PCDH15: variants seen among roughly 807,000 people sequenced by gnomAD.
PCDH15 encodes the protein protocadherin-15.
A neutral mutation model predicts 178.5 loss-of-function variants in PCDH15; 129 were observed. That is an observed-to-expected ratio of 0.72 (90% CI 0.63 to 0.84). PCDH15 has a LOEUF of 0.84. PCDH15 is among the 40% of genes least tolerant of loss of function. PCDH15 has a pLI of 0.00. For synonymous variants in PCDH15, 800 were observed against 732.0 expected, an observed-to-expected ratio of 1.09 and a Z score of -1.50; for missense variants, 2,230 against 2,099.9, an observed-to-expected ratio of 1.06 and a Z score of -1.21.
intron 6 of PCDH15, among the ~76,000 whole-genome samples, chr10:54,346,063 C>A (rs905168713): frequency 2.0e-5 from 3 of 151,948 alleles, no homozygotes; most frequent in African/African-American, 4.8e-5. Flanking sequence ...CACTTGTTAT[C>A]TCATCTCCAG....
At chr10:55,112,529 C>A (rs143333016) in intron 2 of PCDH15, among the ~76,000 whole-genome samples, 3 of 152,130 alleles carry the variant, frequency 2.0e-5, no homozygotes, top group Non-Finnish European at 4.4e-5. Flanking sequence ...GAGCAAGAAG[C>A]AAGATAAGAG....
intron 2 of PCDH15, among the ~76,000 whole-genome samples, chr10:55,526,575 C>A (rs1463689456): frequency 6.6e-6 from 1 of 152,018 alleles, no homozygotes; most frequent in African/African-American, 2.4e-5. Context: ...CACTGTTATA[C>A]ATGAGTGCTT....
At chr10:54,377,704 G>A (rs923859932) in intron 4 of PCDH15, among the ~76,000 whole-genome samples, 9 of 152,046 alleles carry the variant, frequency 5.9e-5, no homozygotes, top group South Asian at 2.1e-4. Context: ...GATTTCATAA[G>A]CTGGGAACTT....
chr10:53,812,330 C>A (rs1022413351), intron 35 of PCDH15, among the ~76,000 whole-genome samples: 13 of 152,132 alleles, frequency 8.5e-5, no homozygotes, highest in South Asian at 8.3e-4. Context: ...GCCTCAGCCT[C>A]CCGAGTAGCT....
At chr10:54,852,987 G>A (rs940610058) in intron 3 of PCDH15, among the ~76,000 whole-genome samples, 2 of 151,602 alleles carry the variant, frequency 1.3e-5, no homozygotes, top group African/African-American at 4.8e-5. Flanking sequence ...CAGGCCTGGT[G>A]CAATGGCTCA....
At position 54,757,523 on chromosome 10, in the gene PCDH15, C is replaced by T. The variant is rs1350768474; in HGVS notation, c.-29+43402G>A. 1.5e-5 allele frequency among the ~76,000 whole-genome samples: 2 copies of T among 131,054 alleles called. 1 individual carries two copies. Among genetic ancestry groups the T allele is most frequent in the African/African-American group, 5.8e-5 (2 of 34,618 alleles). 86.0% of individuals were successfully genotyped at this position (131,054 alleles called of 152,430 possible). A position where few individuals can be genotyped will look rare whatever the true frequency, so the allele number is the denominator to read the frequency against. On this transcript the variant is annotated intron_variant, in intron 1 of 37. Transcript: ENST00000644397. ...GTCTCGATCTCCTGACCTCGTGATC[C>T]GCCCGTCTCGGCCTCCCAAAGTGCT...
At chr10:54,030,592 G>C (rs2093264744) in intron 18 of PCDH15, among the ~76,000 whole-genome samples, 1 of 151,810 alleles carries the variant, frequency 6.6e-6, no homozygotes. Flanking sequence ...AGAATGAATA[G>C]CTTTTCATTC....
intron 7 of PCDH15, among the ~76,000 whole-genome samples, chr10:54,319,921 G>A (rs1377306510): frequency 6.6e-6 from 1 of 151,920 alleles, no homozygotes. Context: ...TTCTGTTGGT[G>A]GAATTTTGTC....
intron 1 of PCDH15, among the ~76,000 whole-genome samples, chr10:54,753,815 C>T (rs1474777246): frequency 6.6e-6 from 1 of 151,236 alleles, no homozygotes; most frequent in African/African-American, 2.4e-5. Flanking sequence ...TTCCCTAAAT[C>T]TGGAATGTAA....
intron 1 of PCDH15, among the ~76,000 whole-genome samples, chr10:54,791,356 A>G (rs899965852): frequency 2.6e-5 from 4 of 151,944 alleles, no homozygotes; most frequent in Admixed American, 2.0e-4. Context: ...GTGGAATTGC[A>G]TTAATAATTC....
chr10:54,864,695 A>C (rs1166364586), intron 3 of PCDH15: 1 of 152,144 alleles, frequency 6.6e-6, no homozygotes, highest in African/African-American at 2.4e-5. Flanking sequence ...AGTGGTGGGT[A>C]GGATGCTTCC....
intron 6 of PCDH15, among the ~76,000 whole-genome samples, chr10:54,330,336 A>G (rs184227398): frequency 6.6e-6 from 1 of 152,016 alleles, no homozygotes; most frequent in East Asian, 1.9e-4. Context: ...TATGGCTCCT[A>G]GGCTACAAAC....
intron 1 of PCDH15, among the ~76,000 whole-genome samples, chr10:55,187,665 T>C (rs1839833863): frequency 1.3e-5 from 2 of 152,024 alleles, no homozygotes; most frequent in African/African-American, 4.8e-5. Flanking sequence ...CAAAGCTGGC[T>C]CATGGGCTGG....
chr10:55,206,970 G>A (rs1591989486), intron 1 of PCDH15, among the ~76,000 whole-genome samples: 1 of 151,868 alleles, frequency 6.6e-6, no homozygotes, highest in Non-Finnish European at 1.5e-5. Context: ...GTCGGGTTCA[G>A]ATCTCTCTAT....
chr10:54,761,570 C>A (rs1174343961), intron 1 of PCDH15, among the ~76,000 whole-genome samples: 2 of 151,976 alleles, frequency 1.3e-5, no homozygotes, highest in East Asian at 3.9e-4. Context: ...GTAATCCAAG[C>A]TACTCGGGAG....
At chr10:54,327,312 C>T (rs1938344067) in intron 7 of PCDH15, among the ~76,000 whole-genome samples, 1 of 151,726 alleles carries the variant, frequency 6.6e-6, no homozygotes, top group African/African-American at 2.4e-5. Context: ...TTGAAAAACT[C>T]TGAGTGGCCC....
chr10:55,620,014 T>A (rs1459339541), intron 2 of PCDH15, among the ~76,000 whole-genome samples: 1 of 152,070 alleles, frequency 6.6e-6, no homozygotes, highest in Non-Finnish European at 1.5e-5. Flanking sequence ...TGCCCAACCC[T>A]TCCTCTATTT....
intron 1 of PCDH15, among the ~76,000 whole-genome samples, chr10:54,704,068 T>C (rs1176452752): frequency 2.0e-5 from 3 of 152,058 alleles, no homozygotes; most frequent in East Asian, 1.9e-4. Flanking sequence ...AAGATTGAAA[T>C]TGGACTCATT....
chr10:54,057,685 G>A (rs986347902), intron 18 of PCDH15, among the ~76,000 whole-genome samples: 2 of 152,174 alleles, frequency 1.3e-5, no homozygotes, highest in Non-Finnish European at 2.9e-5. Context: ...TTGGTGATTA[G>A]CATTTGGCTC....
Sources: gnomAD v4.1 joint callset for allele counts (sites outside exome capture counted in the v4.1 genomes callset) on GRCh38, gnomAD v4.1.1 for gene constraint, MANE v1.5 for transcripts, NCBI Gene and HGNC (gene_info 2026-07-23, HGNC 2026-07-21) for gene names.